COL21A1: variants seen among roughly 807,000 people sequenced by gnomAD.
COL21A1 encodes the protein collagen alpha-1(XXI) chain.
COL21A1 carries 149 observed loss-of-function variants against 137.9 expected under a neutral mutation model. That is an observed-to-expected ratio of 1.08 (90% confidence interval 0.95 to 1.24). The LOEUF is 1.24. Ranked by LOEUF, COL21A1 falls within the 50% of genes most tolerant of loss-of-function variation. The pLI, the probability that COL21A1 is intolerant of heterozygous loss-of-function variation, is 0.00. For missense variants in COL21A1, 1,167 were observed against 1,158.4 expected (o/e 1.01, Z -0.11); for synonymous variants, 456 against 391.5 (o/e 1.16, Z -1.95).
chr6:56,339,651 G>C (rs948925430), intron 1 of COL21A1, among the ~76,000 whole-genome samples: 12 of 152,286 alleles, frequency 7.9e-5, no homozygotes, highest in African/African-American at 2.9e-4. Context: ...ACATTCTTTT[G>C]AACTTTATAG....
intron 1 of COL21A1, among the ~76,000 whole-genome samples, chr6:56,265,023 C>T (rs1296242198): frequency 6.6e-6 from 1 of 152,202 alleles, no homozygotes. Context: ...CAAGGAGATA[C>T]CAAGATCTCA....
intron 17 of COL21A1, among the ~76,000 whole-genome samples, chr6:56,093,166 A>G (rs1347752292): frequency 6.6e-6 from 1 of 152,086 alleles, no homozygotes; most frequent in Non-Finnish European, 1.5e-5. Context: ...TAATATTTAC[A>G]GATTCTGGGG....
intron 1 of COL21A1, among the ~76,000 whole-genome samples, chr6:56,238,430 TAAAAAA>T (rs548005509): frequency 1.1e-5 from 1 of 91,538 alleles, no homozygotes; most frequent in Admixed American, 1.2e-4. Flanking sequence ...GCAGTCTTCT[TAAAAAA>T]AAAAAAAAAA....
At chr6:56,244,327 A>G (rs1270249613) in intron 1 of COL21A1, among the ~76,000 whole-genome samples, 3 of 152,136 alleles carry the variant, frequency 2.0e-5, no homozygotes, top group East Asian at 3.9e-4. Flanking sequence ...TTGCAACATC[A>G]TAGACTCTCT....
chr6:56,077,566 G>A lies in COL21A1; in HGVS notation c.1820C>T (p.Pro607Leu). 6.4e-7 allele frequency: 1 copy of A among 1,568,602 alleles called. No individual in the cohort carries two copies. The stretch of plus-strand genomic sequence containing the variant: ...TAATCCTCGGTTTCCAGGAAATCCT[G>A]GGATTCCCTAAAAACAAATAAAATA... ...QDGTRGEPGI[P>L]GFPGNRGLMG... is the part of the protein sequence containing the mutation. Residue 607 changes from proline (P) to leucine (L), a missense_variant, in exon 18 of 30, where the codon CCA (proline) becomes CTA (leucine). Transcript: ENST00000244728.
chr6:56,167,807 T>TTTC (rs1361884187), intron 6 of COL21A1, among the ~76,000 whole-genome samples: 1 of 152,220 alleles, frequency 6.6e-6, no homozygotes, highest in African/African-American at 2.4e-5. Flanking sequence ...GAAACTATAT[T>TTTC]TTCTTTTCCA....
chr6:56,332,792 G>A (rs1486161549), intron 1 of COL21A1, among the ~76,000 whole-genome samples: 2 of 151,740 alleles, frequency 1.3e-5, no homozygotes, highest in East Asian at 1.9e-4. Flanking sequence ...ACTTCTAAAT[G>A]TTTCTTAACC....
At chr6:56,137,006 T>G (rs555248076) in intron 12 of COL21A1, among the ~76,000 whole-genome samples, 1 of 152,106 alleles carries the variant, frequency 6.6e-6, no homozygotes, top group African/African-American at 2.4e-5. Flanking sequence ...GAAGCACAAG[T>G]CACACAGTGA....
At position 56,168,169 on chromosome 6, in the gene COL21A1, C is replaced by A; in HGVS notation, c.1155G>T (p.Gly385=). 1 of 1,543,678 alleles carries A rather than the reference C, an allele frequency of 6.5e-7. No homozygotes were observed. Residue 385 remains glycine (G), a synonymous_variant, in exon 6 of 30, where the codon GGG becomes GGT. Coordinates refer to ENST00000244728, the MANE Select transcript of COL21A1 (RefSeq NM_030820.4). The part of the protein sequence containing the change: ...LHPVLGILIN[G]QTQIGKYSGK... Reference sequence around the variant, plus strand: ...CAGAATATTTTCCAATTTGGGTTTGCCCATTGATCAAGATCCCTAAAACTG... The same window carrying A: ...CAGAATATTTTCCAATTTGGGTTTGACCATTGATCAAGATCCCTAAAACTG...
At chr6:56,357,259 T>C (rs1272399360) in intron 1 of COL21A1, among the ~76,000 whole-genome samples, 1 of 152,206 alleles carries the variant, frequency 6.6e-6, no homozygotes, top group African/African-American at 2.4e-5. Flanking sequence ...TACCACATCA[T>C]ACTTCACTGA....
At chr6:56,088,520 G>T (rs1240073136) in intron 17 of COL21A1, among the ~76,000 whole-genome samples, 1 of 152,178 alleles carries the variant, frequency 6.6e-6, no homozygotes, top group Non-Finnish European at 1.5e-5. Context: ...CAGCATAGCT[G>T]CAGCAACAGT....
intron 1 of COL21A1, among the ~76,000 whole-genome samples, chr6:56,189,085 C>T (rs536810725): frequency 6.6e-6 from 1 of 152,126 alleles, no homozygotes; most frequent in Admixed American, 6.5e-5. Context: ...AACTCTTCTC[C>T]AGCAAGGGAA....
intron 1 of COL21A1, among the ~76,000 whole-genome samples, chr6:56,238,430 T>TAAA (rs548005509): frequency 0.011 from 980 of 91,436 alleles, 23 homozygotes; most frequent in African/African-American, 0.037. Flanking sequence ...GCAGTCTTCT[T>TAAA]AAAAAAAAAA....
chr6:56,080,749 TTA>T (rs1460973694), intron 17 of COL21A1, among the ~76,000 whole-genome samples: 2 of 151,870 alleles, frequency 1.3e-5, no homozygotes, highest in Non-Finnish European at 2.9e-5. Flanking sequence ...TAATATCCAG[TTA>T]TCAAAATATC....
chr6:56,258,919 C>A (rs1763184055), intron 1 of COL21A1, among the ~76,000 whole-genome samples: 1 of 152,154 alleles, frequency 6.6e-6, no homozygotes, highest in Admixed American at 6.6e-5. Context: ...TTGAGAGCTG[C>A]TGCATACAAT....
Position 56,057,039 on chromosome 6 carries a change from C to A in COL21A1, c.*618G>T, listed in dbSNP as rs910071404. On this transcript the variant is annotated 3_prime_UTR_variant, in exon 30 of 30. Coordinates refer to ENST00000244728, the MANE Select transcript of COL21A1 (RefSeq NM_030820.4). ...TAATTAATACTCTTTCTTAGCACCA[C>A]CATTAATCTAATTTTAGAGTTTGAA... The A allele has an allele frequency of 6.6e-6, 1 of 152,194 alleles. No individual in the cohort carries two copies. Among genetic ancestry groups the A allele is most frequent in the Non-Finnish European group, 1.5e-5 (1 of 68,054 alleles). 9.4% of individuals were successfully genotyped at this position (152,194 alleles called of 1,614,324 possible).
intron 13 of COL21A1, 53 bp from the exon 14 acceptor site, chr6:56,125,673 T>C: frequency 8.4e-7 from 1 of 1,193,744 alleles, no homozygotes; most frequent in Middle Eastern, 2.8e-4. Context: ...ATATTTTTCT[T>C]ATAAAGAAAA....
At chr6:56,357,457 A>G (rs1765860833) in intron 1 of COL21A1, among the ~76,000 whole-genome samples, 2 of 152,188 alleles carry the variant, frequency 1.3e-5, no homozygotes, top group Admixed American at 1.3e-4. Context: ...TGAAAGAAAT[A>G]CACAAGACAC....
chr6:56,120,652 G>A (rs529011148), intron 16 of COL21A1, among the ~76,000 whole-genome samples: 1 of 152,076 alleles, frequency 6.6e-6, no homozygotes, highest in South Asian at 2.1e-4. Context: ...AAATTAGCCG[G>A]GCATCATGGC....
Sources: allele counts gnomAD v4.1 joint callset (sites outside exome capture counted in the v4.1 genomes callset), GRCh38; gene constraint gnomAD v4.1.1; transcripts MANE v1.5; gene names NCBI Gene and HGNC (gene_info 2026-07-23, HGNC 2026-07-21).